The following GRIK4 variants were observed in gnomAD, a reference collection of about 807,000 sequenced individuals.
GRIK4 encodes the protein glutamate receptor ionotropic, kainate 4.
GRIK4 carries 40 observed loss-of-function variants against 104.9 expected under a neutral mutation model. That is an observed-to-expected ratio of 0.38 (90% CI 0.30 to 0.50). GRIK4 has a LOEUF of 0.50. GRIK4 is among the 20% of genes least tolerant of loss of function. GRIK4 has a pLI of 0.93. For synonymous variants in GRIK4, 485 were observed against 524.9 expected (o/e 0.92, Z 1.04); for missense variants, 1,047 against 1,308.1 (o/e 0.80, Z 3.08).
At position 120,819,995 on chromosome 11, in the gene GRIK4, G is replaced by C; in HGVS notation, c.511+75G>C. The C allele has an allele frequency of 3.5e-6, 5 of 1,430,280 alleles. No individual in the cohort carries two copies. Among genetic ancestry groups the C allele is most frequent in the Non-Finnish European group, 4.9e-6 (5 of 1,027,848 alleles). The allele number at this position is 1,430,280 out of a possible 1,614,324, so 88.6% of individuals were successfully genotyped here. On this transcript the variant is annotated intron_variant, in intron 6 of 20. Transcript: ENST00000527524. This position sits in a 1 kb window ranked among gnomAD's most constrained non-coding sequence, Gnocchi z 4.3. Reference sequence around the variant, plus strand: ...TTTGCCCTGATTCCCTGTGCCCCTGGCTGGAGACCCTCCAGGAAGGGGAGG... The same window carrying C: ...TTTGCCCTGATTCCCTGTGCCCCTGCCTGGAGACCCTCCAGGAAGGGGAGG...
At chr11:120,556,675 C>T (rs886929200) in intron 1 of GRIK4, among the ~76,000 whole-genome samples, 4 of 152,144 alleles carry the variant, frequency 2.6e-5, no homozygotes, top group East Asian at 1.9e-4. Flanking sequence ...GGGCTTAACC[C>T]GTCCTTTGCT....
chr11:120,765,308 A>C (rs910366915), intron 3 of GRIK4, among the ~76,000 whole-genome samples: 3 of 151,760 alleles, frequency 2.0e-5, no homozygotes, highest in African/African-American at 7.3e-5. Context: ...CAGCTCCATC[A>C]GGTCATTTAT....
intron 1 of GRIK4, among the ~76,000 whole-genome samples, chr11:120,582,820 T>C (rs1948606332): frequency 6.6e-6 from 1 of 152,216 alleles, no homozygotes; most frequent in African/African-American, 2.4e-5. Context: ...AGTGAACATA[T>C]GCATGCATGT....
chr11:120,951,503 G>A (rs147141225), intron 14 of GRIK4, among the ~76,000 whole-genome samples: 1 of 152,308 alleles, frequency 6.6e-6, no homozygotes, highest in East Asian at 1.9e-4. Flanking sequence ...AGTAGGTTGC[G>A]CCATGACTGA....
At chr11:120,638,139 C>T (rs893732959) in intron 1 of GRIK4, among the ~76,000 whole-genome samples, 1 of 152,092 alleles carries the variant, frequency 6.6e-6, no homozygotes, top group African/African-American at 2.4e-5. Flanking sequence ...GTTGGCCTCC[C>T]AAAGTGCTAG....
chr11:120,627,236 C>G (rs902642402), intron 1 of GRIK4, among the ~76,000 whole-genome samples: 2 of 152,204 alleles, frequency 1.3e-5, no homozygotes, highest in Non-Finnish European at 2.9e-5. Context: ...TCCAGTTCTT[C>G]CTTCATTCAC....
At chr11:120,579,225 A>C (rs1455192335) in intron 1 of GRIK4, among the ~76,000 whole-genome samples, 38 of 142,536 alleles carry the variant, frequency 2.7e-4, no homozygotes, top group Admixed American at 6.9e-4. Context: ...CGACAAAATA[A>C]CCCCCCCCCC....
intron 3 of GRIK4, among the ~76,000 whole-genome samples, chr11:120,693,826 G>C (rs906803874): frequency 1.3e-5 from 2 of 152,198 alleles, no homozygotes; most frequent in African/African-American, 4.8e-5. Flanking sequence ...TGAGCCGGGA[G>C]GGGCTCCTGC....
chr11:120,573,559 G>A (rs1354150757), intron 1 of GRIK4, among the ~76,000 whole-genome samples: 1 of 152,160 alleles, frequency 6.6e-6, no homozygotes, highest in African/African-American at 2.4e-5. Context: ...TCACTGGGTG[G>A]GAGAAAGAGG....
At chr11:120,833,886 C>T (rs747040886) in intron 7 of GRIK4, among the ~76,000 whole-genome samples, 2 of 152,100 alleles carry the variant, frequency 1.3e-5, no homozygotes, top group Non-Finnish European at 2.9e-5. Context: ...GTGCATTTTC[C>T]CCATGTCATT....
At position 120,886,899 on chromosome 11, in the gene GRIK4, G is replaced by A. The variant is rs551274141; in HGVS notation, c.1165-11633G>A. ...TAGAATCCAGATCTTATATTCCTGC[G>A]GTCAAAAAGAATACTAAAGGGCTTC... is the stretch of plus-strand genomic sequence containing the variant. On this transcript the variant is annotated intron_variant, in intron 11 of 20. Transcript: ENST00000527524. Among the ~76,000 whole-genome samples, 7 of 152,140 alleles carry A rather than the reference G, an allele frequency of 4.6e-5. No individual in the cohort carries two copies. In the East Asian group the frequency reaches 5.8e-4, roughly 13 times the overall value.
At chr11:120,680,506 G>A (rs1196042733) in intron 3 of GRIK4, among the ~76,000 whole-genome samples, 2 of 152,222 alleles carry the variant, frequency 1.3e-5, no homozygotes, top group Non-Finnish European at 2.9e-5. Flanking sequence ...TTCAGCATCA[G>A]TCTCTCAAGG....
At chr11:120,918,401 G>T (rs1337779229) in intron 13 of GRIK4, among the ~76,000 whole-genome samples, 1 of 152,174 alleles carries the variant, frequency 6.6e-6, no homozygotes, top group Non-Finnish European at 1.5e-5. Flanking sequence ...TATTGGTTGT[G>T]CCTTCAGCTT....
intron 13 of GRIK4, among the ~76,000 whole-genome samples, chr11:120,909,462 G>T (rs1260162395): frequency 6.6e-6 from 1 of 152,198 alleles, no homozygotes; most frequent in Non-Finnish European, 1.5e-5. Flanking sequence ...TGGGGGTCCA[G>T]GGATCCTGCC....
intron 3 of GRIK4, among the ~76,000 whole-genome samples, chr11:120,776,696 G>T (rs1952049970): frequency 6.6e-6 from 1 of 152,134 alleles, no homozygotes; most frequent in East Asian, 1.9e-4. Context: ...GGCTGAGGCT[G>T]CAGCCATCCC....
intron 1 of GRIK4, among the ~76,000 whole-genome samples, chr11:120,512,824 G>A (rs1014771880): frequency 6.6e-6 from 1 of 152,184 alleles, no homozygotes; most frequent in Admixed American, 6.5e-5. Context: ...AAAGTGAGGG[G>A]AGGAGTTGGA....
intron 1 of GRIK4, among the ~76,000 whole-genome samples, chr11:120,551,250 C>T (rs1948136823): frequency 6.6e-6 from 1 of 152,186 alleles, no homozygotes; most frequent in Admixed American, 6.5e-5. Context: ...TGGCTCATAA[C>T]TCCCATAGCC....
At chr11:120,885,473 C>T (rs1272769709) in intron 11 of GRIK4, among the ~76,000 whole-genome samples, 2 of 152,076 alleles carry the variant, frequency 1.3e-5, no homozygotes, top group East Asian at 1.9e-4. Flanking sequence ...GCAACCTGCA[C>T]TTCCTGGGTT....
intron 20 of GRIK4, among the ~76,000 whole-genome samples, 157 bp from the exon 21 acceptor site, chr11:120,985,747 G>A (rs1944731349): frequency 6.6e-6 from 1 of 152,148 alleles, no homozygotes; most frequent in East Asian, 1.9e-4. Flanking sequence ...AATGGGAGTG[G>A]AGTGAGGAGA....
Sources: gnomAD v4.1 joint callset for allele counts (sites outside exome capture counted in the v4.1 genomes callset) on GRCh38, gnomAD v4.1.1 for gene constraint, Gnocchi (gnomAD v3.1) non-coding constraint, MANE v1.5 for transcripts, NCBI Gene and HGNC (gene_info 2026-07-23, HGNC 2026-07-21) for gene names.